ERBB4: variants seen among roughly 807,000 people sequenced by gnomAD.
The protein encoded by ERBB4 is receptor tyrosine-protein kinase erbB-4.
ERBB4 carries 42 observed loss-of-function variants against 158.0 expected under a neutral mutation model. That is an observed-to-expected ratio of 0.27 (90% confidence interval 0.21 to 0.34). The LOEUF (loss-of-function observed/expected upper bound fraction) is 0.34, where lower values mean the gene tolerates loss of function less well. ERBB4 is among the 10% of genes least tolerant of loss of function. ERBB4 has a pLI of 1.00. For missense variants in ERBB4, 1,333 were observed against 1,624.1 expected (o/e 0.82, Z 3.08); for synonymous variants, 583 against 558.7 (o/e 1.04, Z -0.61).
chr2:212,107,540 T>C (rs2079268037), intron 2 of ERBB4, among the ~76,000 whole-genome samples: 1 of 152,162 alleles, frequency 6.6e-6, no homozygotes, highest in Non-Finnish European at 1.5e-5. Flanking sequence ...CTTTGGACTG[T>C]GGACTTTTGA....
intron 1 of ERBB4, among the ~76,000 whole-genome samples, chr2:212,413,988 C>T (rs956356731): frequency 2.2e-4 from 34 of 152,126 alleles, no homozygotes; most frequent in African/African-American, 7.7e-4. Context: ...TGATAAAATG[C>T]TGGTTTACAA....
chr2:212,531,498 T>A (rs529929368), intron 1 of ERBB4, among the ~76,000 whole-genome samples: 34 of 152,180 alleles, frequency 2.2e-4, no homozygotes, highest in Non-Finnish European at 4.1e-4. Context: ...ACAAAGACCA[T>A]AGAAATTATC....
At chr2:211,557,458 T>C (rs2067265080) in intron 20 of ERBB4, among the ~76,000 whole-genome samples, 1 of 151,946 alleles carries the variant, frequency 6.6e-6, no homozygotes, top group Non-Finnish European at 1.5e-5. Context: ...GCAAAGGACA[T>C]GAACAGACAC....
chr2:211,853,241 CT>C (rs59304374), intron 3 of ERBB4, among the ~76,000 whole-genome samples: 32,910 of 151,408 alleles, frequency 0.22, 3,716 homozygotes, highest in South Asian at 0.33. Context: ...AGATCTTGCT[CT>C]TTTTTTTTCT....
intron 1 of ERBB4, among the ~76,000 whole-genome samples, chr2:212,310,905 C>T (rs2087017038): frequency 6.7e-6 from 1 of 150,250 alleles, no homozygotes; most frequent in Non-Finnish European, 1.5e-5. Context: ...TTTAATATAT[C>T]CACATAAAAT....
chr2:212,318,534 CA>C (rs77344896), intron 1 of ERBB4, among the ~76,000 whole-genome samples: 106,573 of 150,410 alleles, frequency 0.71, 40,618 homozygotes, highest in Non-Finnish European at 0.85. Context: ...GAGAAAAAGA[CA>C]AAAAAAAATC....
At chr2:212,227,214 C>T (rs1244056798) in intron 1 of ERBB4, among the ~76,000 whole-genome samples, 1 of 145,164 alleles carries the variant, frequency 6.9e-6, no homozygotes, top group Non-Finnish European at 1.5e-5. Flanking sequence ...CACAGCATTC[C>T]AGCATGGGCG....
chr2:212,473,974 A>T (rs1451323676), intron 1 of ERBB4, among the ~76,000 whole-genome samples: 2 of 152,176 alleles, frequency 1.3e-5, no homozygotes, highest in South Asian at 2.1e-4. Context: ...ACTTCATAAT[A>T]GCTAACAAAA....
chr2:212,468,635 T>TGAAA (rs1294154503), intron 1 of ERBB4, among the ~76,000 whole-genome samples: 1 of 152,224 alleles, frequency 6.6e-6, no homozygotes, highest in Non-Finnish European at 1.5e-5. Context: ...ATCAGCAGTG[T>TGAAA]GAAAACAGAC....
rs1367969955 is a variant in ERBB4, at chr2:211,380,316, G to C, written c.*3299C>G. On this transcript the variant is annotated 3_prime_UTR_variant, in exon 28 of 28. Transcript: ENST00000342788. ...GATCAGAGGCCATCTTTCCTCACCTGTTTACCACTTTCTTTAGGCAATCAT... is the reference window on the plus strand; with the variant it reads ...GATCAGAGGCCATCTTTCCTCACCTCTTTACCACTTTCTTTAGGCAATCAT... 4.3e-6 allele frequency: 1 copy of C among 232,128 alleles called. No individual in the cohort carries two copies. The highest frequency in any genetic ancestry group is 8.5e-6 in the Non-Finnish European group (1 of 117,514). The allele number at this position is 232,128 out of a possible 1,614,324, so 14.4% of individuals were successfully genotyped here.
intron 2 of ERBB4, among the ~76,000 whole-genome samples, chr2:212,052,166 G>T (rs2077416827): frequency 6.6e-6 from 1 of 152,190 alleles, no homozygotes; most frequent in South Asian, 2.1e-4. Context: ...AGAAAGGGCA[G>T]ACTTGCTGAG....
At chr2:212,048,052 G>A (rs1298619170) in intron 2 of ERBB4, among the ~76,000 whole-genome samples, 3 of 152,156 alleles carry the variant, frequency 2.0e-5, no homozygotes, top group Non-Finnish European at 2.9e-5. Flanking sequence ...GCTATAAGCT[G>A]ACAAGAAAAA....
intron 1 of ERBB4, among the ~76,000 whole-genome samples, chr2:212,470,741 C>G (rs753353613): frequency 6.6e-6 from 1 of 152,012 alleles, no homozygotes; most frequent in African/African-American, 2.4e-5. Flanking sequence ...TAACTTCAAC[C>G]CTTTGGGGGA....
chr2:212,166,029 A>G (rs2081336732), intron 1 of ERBB4, among the ~76,000 whole-genome samples: 1 of 151,974 alleles, frequency 6.6e-6, no homozygotes, highest in Non-Finnish European at 1.5e-5. Flanking sequence ...TACATTTTAG[A>G]AAGTTGTGCT....
chr2:211,949,562 G>A (rs189562420), intron 2 of ERBB4, among the ~76,000 whole-genome samples: 33 of 152,220 alleles, frequency 2.2e-4, no homozygotes, highest in African/African-American at 7.5e-4. Flanking sequence ...TCTTCTTATT[G>A]TGGCAAAACA....
chr2:212,388,597 A>C (rs1214445820), intron 1 of ERBB4, among the ~76,000 whole-genome samples: 2 of 152,218 alleles, frequency 1.3e-5, no homozygotes, highest in South Asian at 2.1e-4. Context: ...TCACGGATGG[A>C]CTGGAATGGA....
intron 1 of ERBB4, among the ~76,000 whole-genome samples, chr2:212,141,055 C>G (rs1226997288): frequency 2.0e-5 from 3 of 151,654 alleles, no homozygotes; most frequent in Non-Finnish European, 1.5e-5. Flanking sequence ...CTATATATAA[C>G]TATTATATAA....
intron 2 of ERBB4, among the ~76,000 whole-genome samples, chr2:212,098,523 C>T (rs2078993253): frequency 6.6e-6 from 1 of 152,042 alleles, no homozygotes; most frequent in African/African-American, 2.4e-5. Context: ...TGAAAGGAAA[C>T]CCCCACTTTG....
intron 19 of ERBB4, among the ~76,000 whole-genome samples, chr2:211,594,550 C>T (rs1559332478): frequency 6.6e-6 from 1 of 151,824 alleles, no homozygotes; most frequent in Non-Finnish European, 1.5e-5. Context: ...TTATTTGATG[C>T]CATAGCTATT....
Sources: allele counts gnomAD v4.1 joint callset (sites outside exome capture counted in the v4.1 genomes callset), GRCh38; gene constraint gnomAD v4.1.1; transcripts MANE v1.5; gene names NCBI Gene and HGNC (gene_info 2026-07-23, HGNC 2026-07-21).